MYO19: variants seen among roughly 807,000 people sequenced by gnomAD.
MYO19 encodes the protein myosin XIX.
MYO19 carries 132 observed loss-of-function variants against 129.2 expected under a neutral mutation model. The observed-to-expected ratio is 1.02, with a 90% CI of 0.89 to 1.18. The LOEUF is 1.18. Among genes scored for constraint, MYO19 ranks in the 50% most tolerant of loss-of-function variants. The pLI is 0.00. For missense variants in MYO19, 1,210 were observed against 1,216.7 expected (o/e 0.99, Z 0.08); for synonymous variants, 531 against 477.2 (o/e 1.11, Z -1.47).
rs749261699 is a variant in MYO19, at chr17:36,499,140, G to A, written c.2398C>T (p.Arg800Trp). The A allele has an allele frequency of 7.5e-6, 12 of 1,607,856 alleles. No individual in the cohort carries two copies. In the East Asian group the frequency reaches 1.6e-4, roughly 21 times the overall value. Residue 800 changes from arginine (R) to tryptophan (W), a missense_variant, in exon 24 of 26, where the codon CGG becomes TGG. Physicochemically the swap from Arg to Trp is moderately radical, Grantham distance 101 (BLOSUM62 -3). Coordinates refer to ENST00000614623, the MANE Select transcript of MYO19 (RefSeq NM_001163735.2). Reference protein sequence around the residue: ...IQAAIRSWLTRKHIQRLHAAA... With the variant: ...IQAAIRSWLTWKHIQRLHAAA... ...GCATGCAGCCTCTGGATGTGTTTCC[G>A]AGTTAACCAGGAACGAATGGCTAAG...
intron 3 of MYO19, among the ~76,000 whole-genome samples, chr17:36,530,128 A>C (rs2073739019): frequency 6.6e-6 from 1 of 151,082 alleles, no homozygotes; most frequent in Admixed American, 6.6e-5. Flanking sequence ...TAGGGAGGCC[A>C]AGGTGACCCT....
chr17:36,515,399 T>C (rs575070523), intron 7 of MYO19, among the ~76,000 whole-genome samples: 11 of 152,060 alleles, frequency 7.2e-5, no homozygotes, highest in African/African-American at 1.7e-4. Flanking sequence ...TGGCAAGAAA[T>C]TGGAATGAGC....
At chr17:36,513,089 G>A (rs1023526481) in intron 11 of MYO19, 14 of 1,318,202 alleles carry the variant, frequency 1.1e-5, no homozygotes, top group Non-Finnish European at 1.2e-5. Flanking sequence ...AGAGAAGTGT[G>A]AACATGACTT....
chr17:36,529,413 T>A (rs1051335207), intron 3 of MYO19, among the ~76,000 whole-genome samples: 1 of 151,794 alleles, frequency 6.6e-6, no homozygotes, highest in East Asian at 1.9e-4. Flanking sequence ...AAAGACAGAG[T>A]GGGGGTTGAA....
intron 20 of MYO19, among the ~76,000 whole-genome samples, chr17:36,503,415 C>T (rs934507197): frequency 6.6e-6 from 1 of 152,232 alleles, no homozygotes; most frequent in Admixed American, 6.5e-5. Context: ...AATGGGTCTG[C>T]TCTCCCTGCT....
At position 36,527,555 on chromosome 17, in the gene MYO19, G is replaced by A; in HGVS notation, c.296C>T (p.Pro99Leu). The A allele has an allele frequency of 1.2e-6, 2 of 1,613,446 alleles. No individual in the cohort carries two copies. The highest frequency in any genetic ancestry group is 8.5e-7 in the Non-Finnish European group (1 of 1,179,652). ...LMREYHAAPQ[P>L]QKLKPHVFTV... ...CAGGCAGCGGCAGAGCCTTACCTGG[G>A]GCTGAGGCGCAGCATGGTACTCTCT... is the stretch of plus-strand genomic sequence containing the variant. Residue 99 changes from proline (P) to leucine (L), a missense_variant, in exon 5 of 26, where the codon CCC becomes CTC. Physicochemically the swap from Pro to Leu is moderately conservative, Grantham distance 98 (BLOSUM62 -3). Transcript: ENST00000614623.
upstream of MYO19, chr17:36,535,726 C>G (rs1448101720): frequency 6.6e-6 from 1 of 152,182 alleles, no homozygotes; most frequent in Non-Finnish European, 1.5e-5. Context: ...GGCGCGATCT[C>G]GGCTCACTGC....
intron 6 of MYO19, among the ~76,000 whole-genome samples, chr17:36,517,510 T>C (rs2072833531): frequency 6.6e-6 from 1 of 152,198 alleles, no homozygotes; most frequent in African/African-American, 2.4e-5. Flanking sequence ...TCCACCCACC[T>C]TGGCCTCCCA....
chr17:36,533,287 C>T (rs2142520128), intron 2 of MYO19: 1 of 152,428 alleles, frequency 6.6e-6, no homozygotes, highest in South Asian at 2.1e-4. Context: ...ACTGTTAGCA[C>T]TACGACTAAG....
intron 23 of MYO19, 75 bp from the exon 24 acceptor site, chr17:36,499,235 G>GCAC: frequency 9.7e-7 from 1 of 1,029,166 alleles, no homozygotes; most frequent in South Asian, 1.4e-5. Context: ...CGCTGCAGCA[G>GCAC]CACCACAGTT....
At chr17:36,508,774 C>T (rs2072103565) in intron 14 of MYO19, 1 of 449,882 alleles carries the variant, frequency 2.2e-6, no homozygotes, top group Non-Finnish European at 4.0e-6. Context: ...ACCCCCACTA[C>T]TCTCCCACAA....
intron 4 of MYO19, 93 bp downstream of exon 4, chr17:36,527,971 A>G: frequency 6.6e-7 from 1 of 1,509,058 alleles, no homozygotes. Flanking sequence ...AGTCCTGCCG[A>G]CCTCCGTCTG....
intron 3 of MYO19, among the ~76,000 whole-genome samples, chr17:36,531,573 T>C (rs903498498): frequency 2.6e-5 from 4 of 152,116 alleles, no homozygotes; most frequent in Admixed American, 1.3e-4. Context: ...TATTCCATTG[T>C]ATTGATATAC....
intron 21 of MYO19, chr17:36,501,471 T>C: frequency 2.2e-6 from 1 of 446,666 alleles, no homozygotes; most frequent in Non-Finnish European, 4.0e-6. Flanking sequence ...CTGTGTGTCC[T>C]GGGGTGTCCC....
At chr17:36,537,811 ACTTTTT>A (rs750044094), upstream of MYO19, 3 of 1,614,120 alleles carry the variant, frequency 1.9e-6, no homozygotes, top group East Asian at 2.2e-5. Context: ...GTTCACTGGA[ACTTTTT>A]CTTTACCATA....
chr17:36,512,650 G>A (rs2072443080), intron 11 of MYO19: 1 of 1,288,890 alleles, frequency 7.8e-7, no homozygotes, highest in South Asian at 1.2e-5. Flanking sequence ...CTTCTGTCAA[G>A]TTCTTACCTG....
chr17:36,502,604 A>G (rs1412958728), intron 21 of MYO19, among the ~76,000 whole-genome samples: 2 of 152,164 alleles, frequency 1.3e-5, no homozygotes, highest in African/African-American at 2.4e-5. Flanking sequence ...GATAAGAGTC[A>G]TTTGCTCCTT....
At position 36,495,994 on chromosome 17, in the gene MYO19, GTGAA is replaced by G; in HGVS notation, c.*253_*256del. 1.3e-6 allele frequency: 1 copy of G among 795,532 alleles called. No homozygotes were observed. The highest frequency in any genetic ancestry group is 2.9e-5 in the East Asian group (1 of 34,328). 49.3% of individuals were successfully genotyped at this position (795,532 alleles called of 1,614,324 possible). A position where few individuals can be genotyped will look rare whatever the true frequency, so the allele number is the denominator to read the frequency against. On this transcript the variant is annotated 3_prime_UTR_variant, in exon 26 of 26. Transcript: ENST00000614623. ...CTGCTGAGTTTGATCTGTGAAGGTA[GTGAA>G]ATGTGGCCCTGATGTTTCTTAACCC...
In MYO19 at chr17:36,513,202, G is replaced by A. The variant is rs1468573251; in HGVS notation, c.894+227C>T. 3.5e-6 allele frequency: 5 copies of A among 1,426,546 alleles called. No individual in the cohort carries two copies. In the African/African-American group the frequency reaches 5.7e-5, roughly 16 times the overall value. The allele number at this position is 1,426,546 out of a possible 1,614,324, so 88.4% of individuals were successfully genotyped here. A position where few individuals can be genotyped will look rare whatever the true frequency, so the allele number is the denominator to read the frequency against. On this transcript the variant is annotated intron_variant, in intron 11 of 25. Transcript: ENST00000614623. Reference sequence around the variant, plus strand: ...CCCCATGGATCACTTACTGCATTCTGTACTCTAGCACTGTGTATGCATCAC... The same window carrying A: ...CCCCATGGATCACTTACTGCATTCTATACTCTAGCACTGTGTATGCATCAC...
Sources: gnomAD v4.1 joint callset for allele counts (sites outside exome capture counted in the v4.1 genomes callset) on GRCh38, gnomAD v4.1.1 for gene constraint, MANE v1.5 for transcripts, NCBI Gene and HGNC (gene_info 2026-07-23, HGNC 2026-07-21) for gene names.